Variants in WDFY4 observed in about 807,000 individuals in gnomAD.
WDFY4 encodes the protein WDFY family member 4.
WDFY4 carries 169 observed loss-of-function variants against 351.9 expected under a neutral mutation model. The observed-to-expected ratio is 0.48, with a 90% CI of 0.42 to 0.55. The LOEUF (loss-of-function observed/expected upper bound fraction) is 0.55. Among genes scored for constraint, WDFY4 ranks in the 20% least tolerant of loss-of-function variants. The pLI is 0.00. For missense variants in WDFY4, 3,803 were observed against 3,935.6 expected, an observed-to-expected ratio of 0.97 and a Z score of 0.90; for synonymous variants, 1,622 against 1,574.6, an observed-to-expected ratio of 1.03 and a Z score of -0.71.
In WDFY4 at chr10:48,775,595, C is replaced by T. The variant is rs531938625; in HGVS notation, c.2769-117C>T. The T allele has an allele frequency of 6.3e-4, 579 of 918,614 alleles. 2 individuals are homozygous for T. Among genetic ancestry groups the T allele is most frequent in the Middle Eastern group, 3.5e-3 (16 of 4,604 alleles). The allele number at this position is 918,614 out of a possible 1,614,324, so 56.9% of individuals were successfully genotyped here. ...CACATTGCTTTCAGAAAGGGTGTTC[C>T]AGTGGGGCTGGGAGGTCAGGGAGCT... On this transcript the variant is annotated intron_variant, in intron 14 of 61. Transcript: ENST00000325239.
In WDFY4 at chr10:48,788,616, A is replaced by C. The variant is rs1565200448; in HGVS notation, c.3895A>C (p.Ser1299Arg). Residue 1299 changes from serine (S) to arginine (R), a missense_variant, in exon 21 of 62, where the codon AGT (serine) becomes CGT (arginine). Physicochemically the swap from Ser to Arg is moderately radical, Grantham distance 110. Coordinates refer to ENST00000325239, the MANE Select transcript of WDFY4 (RefSeq NM_001394531.1). ...GLHIASSSIT[S>R]VADIRNAYNE... ...TCACATAGCCAGCTCCTCTATCACC[A>C]GTGTAGCGGACATCAGAAATGCTTA... 1 of 1,551,814 alleles carries C rather than the reference A, an allele frequency of 6.4e-7. No individual in the cohort carries two copies.
chr10:48,868,926 C>T (rs374828783), intron 40 of WDFY4, among the ~76,000 whole-genome samples: 12 of 152,220 alleles, frequency 7.9e-5, no homozygotes, highest in Non-Finnish European at 1.8e-4. Flanking sequence ...GATCCAGCCA[C>T]CTGAAAGGTT....
chr10:48,750,044 T>A (rs1408754909), intron 12 of WDFY4, among the ~76,000 whole-genome samples: 1 of 152,246 alleles, frequency 6.6e-6, no homozygotes, highest in African/African-American at 2.4e-5. Context: ...TGGGGCACTC[T>A]GCAGGCCAGA....
intron 13 of WDFY4, among the ~76,000 whole-genome samples, chr10:48,771,000 G>A (rs1051420479): frequency 6.6e-6 from 1 of 152,174 alleles, no homozygotes; most frequent in African/African-American, 2.4e-5. Flanking sequence ...CCTTCCCCCA[G>A]TGCTCACCTT....
At chr10:48,734,942 A>ATTTTTTTTTTTTTTTTTTTT (rs3079302) in intron 10 of WDFY4, among the ~76,000 whole-genome samples, 1 of 123,328 alleles carries the variant, frequency 8.1e-6, no homozygotes. Flanking sequence ...TGCACGGCTA[A>ATTTTTTTTTTTTTTTTTTTT]TTTTTTTTTT....
chr10:48,726,328 A>T (rs1477073407), intron 6 of WDFY4, among the ~76,000 whole-genome samples: 1 of 152,208 alleles, frequency 6.6e-6, no homozygotes. Flanking sequence ...AGAGGATCTC[A>T]CTATGCACAC....
chr10:48,909,971 A>G lies in WDFY4; in HGVS notation c.7586+8108A>G, dbSNP rs531232692. 7 of 508,254 alleles carry G rather than the reference A, an allele frequency of 1.4e-5. No homozygotes were observed. The East Asian group carries it at 1.6e-4, about 12-fold the overall frequency. 31.5% of individuals were successfully genotyped at this position (508,254 alleles called of 1,614,324 possible). On this transcript the variant is annotated intron_variant, in intron 47 of 61. Transcript: ENST00000325239. ...AATATTTAGTTGTCTATAATATATA[A>G]TCTGTAATTTTCTTAAATTTTTTTC...
intron 47 of WDFY4, among the ~76,000 whole-genome samples, chr10:48,911,989 T>C (rs1395898855): frequency 6.6e-6 from 1 of 152,220 alleles, no homozygotes; most frequent in Non-Finnish European, 1.5e-5. Flanking sequence ...ACTTCACTGA[T>C]GGATGCCTCT....
Position 48,969,158 on chromosome 10 carries a change from C to T in WDFY4, c.8679C>T (p.Asn2893=), listed in dbSNP as rs1370697603. The T allele has an allele frequency of 1.3e-6, 2 of 1,551,616 alleles. No homozygotes were observed. Among genetic ancestry groups the T allele is most frequent in the Non-Finnish European group, 1.7e-6 (2 of 1,146,982 alleles). The part of the protein sequence containing the change: ...TEKTILAVER[N]KVLLPPLWNR... ...AGACCATTCTGGCTGTAGAGAGGAACAAAGTGCTGCTGCCTCCTCTCTGGA... is the reference window on the plus strand; with the variant it reads ...AGACCATTCTGGCTGTAGAGAGGAATAAAGTGCTGCTGCCTCCTCTCTGGA... Residue 2893 remains asparagine (N), a synonymous_variant, in exon 56 of 62, where the codon AAC becomes AAT. Coordinates refer to ENST00000325239, the MANE Select transcript of WDFY4 (RefSeq NM_001394531.1).
At chr10:48,879,736 G>C (rs1248924064) in intron 43 of WDFY4, among the ~76,000 whole-genome samples, 3 of 152,264 alleles carry the variant, frequency 2.0e-5, no homozygotes, top group Middle Eastern at 3.4e-3. Context: ...GTAGGTCTGA[G>C]CTCCTGTTCC....
intron 23 of WDFY4, 43 bp downstream of exon 23, chr10:48,790,960 C>G (rs779864213): frequency 6.5e-7 from 1 of 1,544,292 alleles, no homozygotes; most frequent in South Asian, 1.2e-5. Context: ...CCTGAAAGGG[C>G]TGTCATCCCT....
At chr10:48,925,860 A>G (rs938013464) in intron 47 of WDFY4, among the ~76,000 whole-genome samples, 2 of 152,190 alleles carry the variant, frequency 1.3e-5, no homozygotes, top group Non-Finnish European at 2.9e-5. Context: ...ATTGCCTCAA[A>G]CATGCTGCTG....
chr10:48,944,418 G>C (rs1000395403), intron 49 of WDFY4, among the ~76,000 whole-genome samples: 1 of 152,222 alleles, frequency 6.6e-6, no homozygotes, highest in African/African-American at 2.4e-5. Context: ...GGTGATTTCT[G>C]TGCTTCTATG....
intron 23 of WDFY4, among the ~76,000 whole-genome samples, chr10:48,792,050 C>G (rs1194985668): frequency 1.3e-5 from 2 of 152,192 alleles, no homozygotes; most frequent in Non-Finnish European, 2.9e-5. Flanking sequence ...CAAAGCCATT[C>G]AAAACTGGCC....
chr10:48,743,276 C>T lies in WDFY4; in HGVS notation c.2187C>T (p.Asn729=), dbSNP rs1330122573. The change falls in exon 12 of 62, where the codon AAC becomes AAT. Residue 729 remains asparagine, a synonymous_variant. Transcript: ENST00000325239. ...GCFGALEEEG[N]LLRSWVDTKA... is the part of the protein sequence containing the mutation. ...TTGGAGCCCTGGAGGAAGAGGGCAA[C>T]CTGCTGCGCTCTTGGGTGGACACAA... 1.9e-6 allele frequency: 3 copies of T among 1,551,660 alleles called. No homozygotes were observed. Among genetic ancestry groups the T allele is most frequent in the East Asian group, 2.4e-5 (1 of 40,918 alleles).
At chr10:48,873,772 A>T in intron 41 of WDFY4, 75 bp downstream of exon 41, 3 of 1,472,114 alleles carry the variant, frequency 2.0e-6, no homozygotes, top group Non-Finnish European at 2.8e-6. Context: ...GAGCTTCCCC[A>T]TCACATGTTG....
intron 1 of WDFY4, among the ~76,000 whole-genome samples, chr10:48,696,646 C>CAGCT (rs950384017): frequency 4.6e-5 from 7 of 152,248 alleles, no homozygotes; most frequent in Non-Finnish European, 8.8e-5. Context: ...GGGACTAGGG[C>CAGCT]AGCTGACTCA....
At chr10:48,883,030 T>C (rs2070315114) in intron 43 of WDFY4, among the ~76,000 whole-genome samples, 1 of 152,240 alleles carries the variant, frequency 6.6e-6, no homozygotes, top group Non-Finnish European at 1.5e-5. Flanking sequence ...GCTCACTGTG[T>C]TGGACAAGTT....
At chr10:48,812,257 T>C (rs1035704727) in intron 30 of WDFY4, among the ~76,000 whole-genome samples, 2 of 149,894 alleles carry the variant, frequency 1.3e-5, no homozygotes, top group African/African-American at 5.0e-5. Context: ...TGGCGTGATC[T>C]CGGCTCACTG....
Sources: gnomAD v4.1 joint callset for allele counts (sites outside exome capture counted in the v4.1 genomes callset) on GRCh38, gnomAD v4.1.1 for gene constraint, MANE v1.5 for transcripts, NCBI Gene and HGNC (gene_info 2026-07-23, HGNC 2026-07-21) for gene names.